The following ZNF451 variants were observed in gnomAD, a reference collection of about 807,000 sequenced individuals.
The protein encoded by ZNF451 is zinc finger protein 451, also known as E3 SUMO-protein ligase ZNF451.
ZNF451 carries 80 observed loss-of-function variants against 107.1 expected under a neutral mutation model. The ratio of observed to expected loss-of-function variants is 0.75; its 90% CI spans 0.62 to 0.90. ZNF451 has a LOEUF of 0.90. Ranked by LOEUF, ZNF451 falls within the 40% of genes least tolerant of loss-of-function variation. The pLI is 0.00. For synonymous variants in ZNF451, 362 were observed against 406.5 expected (o/e 0.89, Z 1.32); for missense variants, 1,107 against 1,236.2 (o/e 0.90, Z 1.57).
At position 57,111,051 on chromosome 6, in the gene ZNF451, C is replaced by T. The variant is rs1391037136; in HGVS notation, c.186+11910C>T. Among the ~76,000 whole-genome samples, 3 of 152,052 alleles carry T rather than the reference C, an allele frequency of 2.0e-5. No homozygotes were observed. The East Asian group carries it at 5.8e-4, about 29-fold the overall frequency. On this transcript the variant is annotated intron_variant, in intron 3 of 14. Coordinates refer to ENST00000370706, the MANE Select transcript of ZNF451 (RefSeq NM_001031623.3). Reference sequence around the variant, plus strand: ...TCTCCTGCCTCAGCCTCCCAAGTAGCTAGGATTACAGGCGCATGCCACCAT... The same window carrying T: ...TCTCCTGCCTCAGCCTCCCAAGTAGTTAGGATTACAGGCGCATGCCACCAT...
chr6:57,133,598 CT>C lies in ZNF451; in HGVS notation c.575+407del. 2.0e-5 allele frequency among the ~76,000 whole-genome samples: 3 copies of C among 152,254 alleles called. No homozygotes were observed. In the South Asian group the frequency reaches 6.2e-4, roughly 32 times the overall value. ...TTACAAAATAAATGTTAAAAGCAAA[CT>C]GATGTAAGCAAAATTAATAATAAAA... On this transcript the variant is annotated intron_variant, in intron 6 of 14. Coordinates refer to ENST00000370706, the MANE Select transcript of ZNF451 (RefSeq NM_001031623.3).
At chr6:57,154,877 C>G (rs558891178) in intron 13 of ZNF451, among the ~76,000 whole-genome samples, 1 of 152,054 alleles carries the variant, frequency 6.6e-6, no homozygotes, top group African/African-American at 2.4e-5. Context: ...GCTTTCAAGT[C>G]TGCTTGCCTC....
intron 3 of ZNF451, among the ~76,000 whole-genome samples, chr6:57,111,509 T>C (rs1047738915): frequency 4.6e-5 from 7 of 152,058 alleles, no homozygotes; most frequent in African/African-American, 1.7e-4. Flanking sequence ...GCCTCCCGAG[T>C]AGCTGGAATC....
At chr6:57,121,584 A>G (rs1372845596) in intron 3 of ZNF451, among the ~76,000 whole-genome samples, 1 of 152,166 alleles carries the variant, frequency 6.6e-6, no homozygotes, top group Admixed American at 6.5e-5. Context: ...CTATATACCA[A>G]TAACAGTTAA....
chr6:57,124,413 C>T (rs1404946168), intron 3 of ZNF451: 8 of 714,906 alleles, frequency 1.1e-5, no homozygotes, highest in Non-Finnish European at 2.1e-5. Context: ...ACCTCTCTCT[C>T]TCTCTCCAAT....
intron 3 of ZNF451, chr6:57,100,902 G>A: frequency 6.4e-7 from 1 of 1,550,632 alleles, no homozygotes; most frequent in Non-Finnish European, 8.7e-7. Flanking sequence ...CCTCTTCTGA[G>A]GTCAAAGAGA....
intron 4 of ZNF451, chr6:57,126,501 C>T (rs1830935455): frequency 6.6e-6 from 1 of 151,948 alleles, no homozygotes; most frequent in Non-Finnish European, 1.5e-5. Context: ...TAAAAATAGA[C>T]ACTATAGAAA....
chr6:57,109,336 T>G, intron 3 of ZNF451: 1 of 985,378 alleles, frequency 1.0e-6, no homozygotes, highest in South Asian at 4.7e-5. Context: ...TTGAGGATAT[T>G]GGTTTAATGG....
chr6:57,114,228 A>G (rs1327486242), intron 3 of ZNF451, among the ~76,000 whole-genome samples: 1 of 152,212 alleles, frequency 6.6e-6, no homozygotes, highest in Non-Finnish European at 1.5e-5. Flanking sequence ...TTCTATATTT[A>G]CATTCCAAAG....
At chr6:57,161,444 A>G (rs1763670378) in intron 14 of ZNF451, among the ~76,000 whole-genome samples, 2 of 152,100 alleles carry the variant, frequency 1.3e-5, no homozygotes, top group Admixed American at 1.3e-4. Flanking sequence ...TTGTACCACA[A>G]CTGCAAGGTT....
At chr6:57,107,632 G>T in intron 3 of ZNF451, 1 of 985,202 alleles carries the variant, frequency 1.0e-6, no homozygotes, top group Non-Finnish European at 1.2e-6. Flanking sequence ...CCCGTTTTCC[G>T]TAGATGTTAA....
At chr6:57,112,053 C>G (rs1562597981) in intron 3 of ZNF451, among the ~76,000 whole-genome samples, 1 of 152,136 alleles carries the variant, frequency 6.6e-6, no homozygotes, top group Non-Finnish European at 1.5e-5. Context: ...AAATATTGTA[C>G]TGTTATGCTG....
chr6:57,107,141 G>A (rs1829898559), intron 3 of ZNF451: 1 of 985,262 alleles, frequency 1.0e-6, no homozygotes, highest in Admixed American at 6.2e-5. Flanking sequence ...ATATCTGGAA[G>A]TGGTCATAGT....
chr6:57,122,297 T>C (rs1830676793), intron 3 of ZNF451, among the ~76,000 whole-genome samples: 1 of 152,102 alleles, frequency 6.6e-6, no homozygotes, highest in Non-Finnish European at 1.5e-5. Flanking sequence ...TAGGAAATAC[T>C]CTTCTAGACA....
At chr6:57,103,173 A>G (rs1829688908) in intron 3 of ZNF451, 6 of 985,420 alleles carry the variant, frequency 6.1e-6, no homozygotes, top group South Asian at 4.7e-5. Context: ...ATGCCTGACA[A>G]TCTTGTCCCC....
At chr6:57,136,360 A>G (rs936507759) in intron 7 of ZNF451, among the ~76,000 whole-genome samples, 2 of 152,162 alleles carry the variant, frequency 1.3e-5, no homozygotes, top group African/African-American at 4.8e-5. Flanking sequence ...GAAGAGACTG[A>G]GTGGCATTAG....
At chr6:57,145,513 T>TG (rs1832021124) in intron 9 of ZNF451, among the ~76,000 whole-genome samples, 1 of 152,168 alleles carries the variant, frequency 6.6e-6, no homozygotes, top group Admixed American at 6.5e-5. Flanking sequence ...TATGTCCACG[T>TG]GTACCCATTG....
intron 13 of ZNF451, chr6:57,158,389 T>G (rs767643399): frequency 4.7e-6 from 2 of 422,502 alleles, no homozygotes; most frequent in Non-Finnish European, 6.3e-6. Flanking sequence ...AGAAATGATT[T>G]GGTTGTGAGT....
intron 3 of ZNF451, chr6:57,124,487 T>G: frequency 1.4e-6 from 1 of 716,672 alleles, no homozygotes. Context: ...GAGTTTACTC[T>G]TCAGCTTTTA....
Sources: allele counts gnomAD v4.1 joint callset (sites outside exome capture counted in the v4.1 genomes callset), GRCh38; gene constraint gnomAD v4.1.1; transcripts MANE v1.5; gene names NCBI Gene and HGNC (gene_info 2026-07-23, HGNC 2026-07-21).